The following SOCS6 variants were observed in gnomAD, a reference collection of about 807,000 sequenced individuals.
SOCS6 encodes the protein STAT induced STAT inhibitor-4.
In SOCS6, 5 loss-of-function variants were observed where a neutral mutation model predicts 27.7. The ratio of observed to expected loss-of-function variants is 0.18; its 90% CI spans 0.09 to 0.38. The LOEUF is 0.38. Among genes scored for constraint, SOCS6 ranks in the 10% least tolerant of loss-of-function variants. The pLI, the probability that SOCS6 is intolerant of heterozygous loss-of-function variation, is 1.00. For synonymous variants in SOCS6, 271 were observed against 260.0 expected, an observed-to-expected ratio of 1.04 and a Z score of -0.41; for missense variants, 595 against 688.1, an observed-to-expected ratio of 0.86 and a Z score of 1.51.
intron 1 of SOCS6, among the ~76,000 whole-genome samples, chr18:70,289,588 GCGGGCT>G (rs530564611): frequency 0.061 from 9,027 of 147,266 alleles, 349 homozygotes; most frequent in South Asian, 0.09. Context: ...TCGGACCTCC[GCGGGCT>G]CGGGCTCGGG....
At chr18:70,297,939 A>C (rs1365982764) in intron 1 of SOCS6, among the ~76,000 whole-genome samples, 2 of 152,224 alleles carry the variant, frequency 1.3e-5, no homozygotes, top group Non-Finnish European at 2.9e-5. Context: ...CTGCAAATTG[A>C]ATGACAAAAT....
intron 1 of SOCS6, among the ~76,000 whole-genome samples, chr18:70,321,934 G>T (rs1318861948): frequency 1.3e-5 from 2 of 152,118 alleles, no homozygotes; most frequent in East Asian, 3.9e-4. Flanking sequence ...ATAAAATGGG[G>T]ATAATAAAGC....
chr18:70,324,930 A>G lies in SOCS6; in HGVS notation c.262A>G (p.Lys88Glu), dbSNP rs1911132882. The G allele has an allele frequency of 7.4e-6, 12 of 1,614,106 alleles. 1 individual carries two copies. The South Asian group carries it at 9.9e-5, about 13-fold the overall frequency. ...GCGGCTTTCTGCAAAACAGAAGTCA[A>G]AAGGCAAGGCGGGCACACCCTCTGG... ...KRRLSAKQKS[K>E]GKAGTPSGSS... The change falls in exon 2 of 2, where the codon AAA becomes GAA. Residue 88 changes from lysine to glutamate, a missense_variant. By Grantham distance (56) the Lys-to-Glu change is moderately conservative. Transcript: ENST00000397942.
At chr18:70,318,720 A>G (rs7244499) in intron 1 of SOCS6, among the ~76,000 whole-genome samples, 10,665 of 151,994 alleles carry the variant, frequency 0.07, 1,198 homozygotes, top group African/African-American at 0.24. Context: ...GGTGGATCAC[A>G]AGGTCAGGAG....
chr18:70,325,442 A>C lies in SOCS6; in HGVS notation c.774A>C (p.Gly258=). ...TCTCTGCGGTTCCTCCTCAAGTGGG[A>C]GGGCGCGCTTTCCCCGAGGATGAGA... The part of the protein sequence containing the change: ...MEVSAVPPQV[G]GRAFPEDESQ... Residue 258 remains glycine (G), a synonymous_variant, in exon 2 of 2, where the codon GGA becomes GGC. Transcript: ENST00000397942. The surrounding 1 kb of genome is among the most constrained non-coding windows in gnomAD (Gnocchi z 6.3). 6.2e-7 allele frequency: 1 copy of C among 1,614,108 alleles called. No individual in the cohort carries two copies. Among genetic ancestry groups the C allele is most frequent in the Non-Finnish European group, 8.5e-7 (1 of 1,180,006 alleles).
intron 1 of SOCS6, among the ~76,000 whole-genome samples, chr18:70,291,740 G>A (rs541494169): frequency 2.0e-5 from 3 of 152,090 alleles, no homozygotes; most frequent in Admixed American, 1.3e-4. Context: ...ATATGCACTC[G>A]TGACCTCTTC....
chr18:70,313,154 T>A (rs1049855968), intron 1 of SOCS6, among the ~76,000 whole-genome samples: 2 of 152,208 alleles, frequency 1.3e-5, no homozygotes, highest in African/African-American at 4.8e-5. Flanking sequence ...GTGTTCTCCC[T>A]CTTGCTTTTG....
In SOCS6 at chr18:70,317,798, G is replaced by A. The variant is rs191033084; in HGVS notation, c.-126-6745G>A. ...CGTAGTGGTTCTAGTTTACATTCCC[G>A]CCAACAGTGTAGAACTGTTCCCTTT... On this transcript the variant is annotated intron_variant, in intron 1 of 1. Coordinates refer to ENST00000397942, the MANE Select transcript of SOCS6 (RefSeq NM_004232.4). Among the ~76,000 whole-genome samples the A allele has an allele frequency of 2.3e-3, 355 of 151,838 alleles. 1 individual carries two copies. In the Middle Eastern group the frequency reaches 0.034, roughly 15 times the overall value.
chr18:70,324,612 T>G lies in SOCS6; in HGVS notation c.-57T>G. 1 of 1,208,592 alleles carries G rather than the reference T, an allele frequency of 8.3e-7. No homozygotes were observed. The highest frequency in any genetic ancestry group is 1.2e-6 in the Non-Finnish European group (1 of 853,552). The allele number at this position is 1,208,592 out of a possible 1,614,324, so 74.9% of individuals were successfully genotyped here. Reference sequence around the variant, plus strand: ...GCAGCCTTGCAGCCTCTCCAGATGTTTGGGGATAATATTCCAGATAGAAAT... The same window carrying G: ...GCAGCCTTGCAGCCTCTCCAGATGTGTGGGGATAATATTCCAGATAGAAAT... On this transcript the variant is annotated 5_prime_UTR_variant, in exon 2 of 2. Transcript: ENST00000397942.
At chr18:70,312,324 G>GT (rs138067401) in intron 1 of SOCS6, among the ~76,000 whole-genome samples, 3,551 of 148,990 alleles carry the variant, frequency 0.024, 134 homozygotes, top group African/African-American at 0.08. Flanking sequence ...TTTTTGTTTT[G>GT]TTTTTTTTTC....
intron 1 of SOCS6, among the ~76,000 whole-genome samples, chr18:70,316,658 G>C (rs542537275): frequency 1.3e-5 from 2 of 151,718 alleles, no homozygotes; most frequent in South Asian, 4.2e-4. Flanking sequence ...TAGCTTCCTT[G>C]TTGCCAGCCT....
At chr18:70,324,322 ATAAAG>A (rs1911103941) in intron 1 of SOCS6, among the ~76,000 whole-genome samples, 1 of 151,940 alleles carries the variant, frequency 6.6e-6, no homozygotes, top group African/African-American at 2.4e-5. Flanking sequence ...AATAATAATA[ATAAAG>A]TAAACATCAT....
rs375027726 is a variant in SOCS6 at position 70,328,515 on chromosome 18, T to C, written c.*2239T>C. 4 of 167,146 alleles carry C rather than the reference T, an allele frequency of 2.4e-5. No homozygotes were observed. The South Asian group carries it at 8.3e-4, about 35-fold the overall frequency. 10.4% of individuals were successfully genotyped at this position (167,146 alleles called of 1,614,324 possible). On this transcript the variant is annotated 3_prime_UTR_variant, in exon 2 of 2. Transcript: ENST00000397942. ...ATTGAGATTTTCATCTAAATGTTTTTAAAATTGTATTTTGTGTTTTAGTGG... is the reference window on the plus strand; with the variant it reads ...ATTGAGATTTTCATCTAAATGTTTTCAAAATTGTATTTTGTGTTTTAGTGG...
At chr18:70,320,398 T>C (rs1011832754) in intron 1 of SOCS6, among the ~76,000 whole-genome samples, 5 of 152,240 alleles carry the variant, frequency 3.3e-5, no homozygotes, top group Non-Finnish European at 7.3e-5. Context: ...AAAATATCCA[T>C]AGTTATATGA....
intron 1 of SOCS6, among the ~76,000 whole-genome samples, chr18:70,313,144 G>A (rs899575310): frequency 6.6e-6 from 1 of 152,110 alleles, no homozygotes; most frequent in Admixed American, 6.6e-5. Context: ...GCTTGAATTT[G>A]TGTTCTCCCT....
chr18:70,290,809 A>G (rs923345977), intron 1 of SOCS6, among the ~76,000 whole-genome samples: 3 of 151,936 alleles, frequency 2.0e-5, no homozygotes, highest in Non-Finnish European at 2.9e-5. Context: ...TTTCTCTCTT[A>G]CCTTTATCGT....
At chr18:70,299,485 T>A (rs2062338837) in intron 1 of SOCS6, among the ~76,000 whole-genome samples, 1 of 152,184 alleles carries the variant, frequency 6.6e-6, no homozygotes, top group South Asian at 2.1e-4. Context: ...GGTCCCCGAA[T>A]CTTGTAGTTA....
chr18:70,306,614 A>C (rs766299507), intron 1 of SOCS6, among the ~76,000 whole-genome samples: 1 of 151,796 alleles, frequency 6.6e-6, no homozygotes, highest in Non-Finnish European at 1.5e-5. Context: ...CCTTCAGTAC[A>C]GTGTTGAGTA....
At chr18:70,295,787 A>G (rs2062320163) in intron 1 of SOCS6, among the ~76,000 whole-genome samples, 2 of 152,184 alleles carry the variant, frequency 1.3e-5, no homozygotes, top group Admixed American at 6.5e-5. Context: ...CCTTGCACAG[A>G]TGAGGAAATT....
Sources: gnomAD v4.1 joint callset for allele counts (sites outside exome capture counted in the v4.1 genomes callset) on GRCh38, gnomAD v4.1.1 for gene constraint, Gnocchi (gnomAD v3.1) non-coding constraint, MANE v1.5 for transcripts, NCBI Gene and HGNC (gene_info 2026-07-23, HGNC 2026-07-21) for gene names.